ANK3: variants seen among roughly 807,000 people sequenced by gnomAD.
The protein encoded by ANK3 is ankyrin 3.
Under a neutral mutation model 370.9 loss-of-function variants are expected in ANK3, and 57 were observed. The observed-to-expected ratio is 0.15, with a 90% CI of 0.12 to 0.19. ANK3 has a LOEUF of 0.19. Among genes scored for constraint, ANK3 ranks in the 10% least tolerant of loss-of-function variants. The probability of loss-of-function intolerance (pLI) is 1.00; values close to 1 mark genes in which losing one functional copy is unlikely to be tolerated. For missense variants in ANK3, 4,439 were observed against 5,302.1 expected, an observed-to-expected ratio of 0.84 and a Z score of 5.06; for synonymous variants, 1,929 against 1,946.3, an observed-to-expected ratio of 0.99 and a Z score of 0.23.
intron 1 of ANK3, among the ~76,000 whole-genome samples, chr10:60,297,014 T>G (rs1265543675): frequency 6.6e-6 from 1 of 152,062 alleles, no homozygotes; most frequent in Non-Finnish European, 1.5e-5. Context: ...AAGTATGCAG[T>G]GTTCAAAATG....
At chr10:60,688,802 G>T (rs1162090611) in intron 1 of ANK3, among the ~76,000 whole-genome samples, 5 of 151,972 alleles carry the variant, frequency 3.3e-5, no homozygotes, top group African/African-American at 1.2e-4. Context: ...CAAAAAATCA[G>T]CTGGACATGG....
chr10:60,073,910 G>C lies in ANK3; in HGVS notation c.6971C>G (p.Pro2324Arg), dbSNP rs775651285. 1.1e-5 allele frequency: 17 copies of C among 1,613,720 alleles called. 1 individual carries two copies. The Admixed American group carries it at 2.0e-4, about 19-fold the overall frequency. Residue 2324 changes from proline to arginine, a missense_variant, in exon 37 of 44, where the codon CCC (proline) becomes CGC (arginine). Coordinates refer to ENST00000280772, the MANE Select transcript of ANK3 (RefSeq NM_020987.5). Reference protein sequence around the residue: ...QHAEKDNQMKPKLERIIEVHI... With the variant: ...QHAEKDNQMKRKLERIIEVHI... ...GACTTCTATTATACGCTCCAGTTTG[G>C]GTTTCATTTGGTTGTCCTTCTCTGC...
At chr10:60,533,085 G>T (rs922836995) in intron 2 of ANK3, among the ~76,000 whole-genome samples, 3 of 152,152 alleles carry the variant, frequency 2.0e-5, no homozygotes, top group Non-Finnish European at 4.4e-5. Context: ...GGACTCTAAA[G>T]GTTTGAGAAG....
chr10:60,721,373 G>C (rs990536421), intron 1 of ANK3, among the ~76,000 whole-genome samples: 3 of 152,136 alleles, frequency 2.0e-5, no homozygotes, highest in Non-Finnish European at 4.4e-5. Flanking sequence ...TTTAAAGAAA[G>C]GTTGAAAAAA....
At chr10:60,415,023 G>T (rs1685512514) in intron 2 of ANK3, among the ~76,000 whole-genome samples, 1 of 152,210 alleles carries the variant, frequency 6.6e-6, no homozygotes, top group Admixed American at 6.5e-5. Flanking sequence ...ACCAGTCCCT[G>T]ACACACGCCT....
intron 7 of ANK3, among the ~76,000 whole-genome samples, chr10:60,259,954 G>A (rs1416283480): frequency 6.6e-6 from 1 of 152,168 alleles, no homozygotes; most frequent in East Asian, 1.9e-4. Context: ...CCACATCAAG[G>A]ATGTAGTTAA....
intron 2 of ANK3, among the ~76,000 whole-genome samples, chr10:60,431,829 A>G (rs1454732918): frequency 1.3e-5 from 2 of 152,198 alleles, no homozygotes; most frequent in African/African-American, 4.8e-5. Flanking sequence ...GACAACATCT[A>G]ACACAAAAAG....
At chr10:60,437,556 A>C (rs953404847) in intron 2 of ANK3, among the ~76,000 whole-genome samples, 1 of 152,192 alleles carries the variant, frequency 6.6e-6, no homozygotes, top group African/African-American at 2.4e-5. Context: ...CTTAATAACT[A>C]TTGCTAAATA....
intron 1 of ANK3, among the ~76,000 whole-genome samples, chr10:60,696,513 G>A (rs1433266661): frequency 1.3e-5 from 2 of 151,422 alleles, no homozygotes; most frequent in Admixed American, 6.6e-5. Context: ...ATAAAATACT[G>A]GCAAACCGAA....
intron 2 of ANK3, among the ~76,000 whole-genome samples, chr10:60,588,266 C>T (rs1211349918): frequency 4.0e-5 from 6 of 151,142 alleles, no homozygotes; most frequent in African/African-American, 1.5e-4. Context: ...CTCACTACAA[C>T]CTCTGCCTCC....
intron 17 of ANK3, among the ~76,000 whole-genome samples, chr10:60,186,042 C>G (rs1271693645): frequency 6.6e-6 from 1 of 152,164 alleles, no homozygotes; most frequent in African/African-American, 2.4e-5. Context: ...AAAATGAACT[C>G]ACGAAGGCAG....
intron 29 of ANK3, 104 bp downstream of exon 29, chr10:60,088,043 A>G: frequency 1.1e-6 from 1 of 888,516 alleles, no homozygotes; most frequent in Non-Finnish European, 1.8e-6. Flanking sequence ...AAACGGCCTA[A>G]TTAGCAGTAT....
intron 16 of ANK3, among the ~76,000 whole-genome samples, chr10:60,190,163 A>G (rs1488023593): frequency 1.3e-5 from 2 of 152,212 alleles, no homozygotes; most frequent in Non-Finnish European, 2.9e-5. Context: ...ATACATTGGC[A>G]ATTTTAAAAA....
At chr10:60,395,161 A>T (rs1442141989) in intron 2 of ANK3, among the ~76,000 whole-genome samples, 2 of 152,212 alleles carry the variant, frequency 1.3e-5, no homozygotes, top group Non-Finnish European at 2.9e-5. Flanking sequence ...TTATGATATA[A>T]CATACAGATC....
upstream of ANK3, chr10:60,389,978 A>C (rs1474241605): frequency 2.6e-6 from 1 of 385,372 alleles, no homozygotes; most frequent in African/African-American, 2.2e-5. Flanking sequence ...TAATTCTGAA[A>C]ACCTATTTTA....
Position 60,395,606 on chromosome 10 carries a change from T to C in ANK3, c.97-115967A>G, listed in dbSNP as rs1472714868. Among the ~76,000 whole-genome samples the C allele has an allele frequency of 9.2e-5, 10 of 108,210 alleles. No individual in the cohort carries two copies. In the East Asian group the frequency reaches 2.0e-3, roughly 21 times the overall value. 71.0% of individuals were successfully genotyped at this position (108,210 alleles called of 152,430 possible). A position where few individuals can be genotyped will look rare whatever the true frequency, so the allele number is the denominator to read the frequency against. ...TTTCTTTCTTTCTTTCTTTCTTTCT[T>C]TCTCTCTTTCGTTCTCTCTCTCTCT... is the stretch of plus-strand genomic sequence containing the variant. On this transcript the variant is annotated intron_variant, in intron 2 of 43. Coordinates refer to the ANK3 transcript ENST00000373827.
At chr10:60,643,426 G>C (rs1273252609) in intron 1 of ANK3, among the ~76,000 whole-genome samples, 1 of 152,032 alleles carries the variant, frequency 6.6e-6, no homozygotes, top group Non-Finnish European at 1.5e-5. Context: ...GGCTCTACTT[G>C]CTCCACAAGC....
intron 8 of ANK3, among the ~76,000 whole-genome samples, chr10:60,234,106 T>C (rs756767630): frequency 6.6e-5 from 10 of 152,236 alleles, no homozygotes; most frequent in Non-Finnish European, 8.8e-5. Context: ...TAATATTCCA[T>C]TGTATTTTAA....
intron 2 of ANK3, among the ~76,000 whole-genome samples, chr10:60,582,585 GTCACTATGTGGCT>G (rs1168683061): frequency 6.6e-6 from 1 of 151,426 alleles, no homozygotes; most frequent in Non-Finnish European, 1.5e-5. Flanking sequence ...CCACCTCAAG[GTCACTATGTGGCT>G]CTGGACAAGC....
Sources: gnomAD v4.1 joint callset for allele counts (sites outside exome capture counted in the v4.1 genomes callset) on GRCh38, gnomAD v4.1.1 for gene constraint, MANE v1.5 for transcripts, NCBI Gene and HGNC (gene_info 2026-07-23, HGNC 2026-07-21) for gene names.